Variants in IMMP2L observed in about 807,000 individuals in gnomAD.
IMMP2L encodes the protein inner mitochondrial membrane peptidase subunit 2, also known as mitochondrial inner membrane protease subunit 2.
A neutral mutation model predicts 19.3 loss-of-function variants in IMMP2L; 18 were observed. That is an observed-to-expected ratio of 0.93 (90% CI 0.64 to 1.38). The LOEUF is 1.38. IMMP2L is among the 40% of genes most tolerant of loss of function. The pLI is 0.00. For synonymous variants in IMMP2L, 76 were observed against 73.0 expected, an observed-to-expected ratio of 1.04 and a Z score of -0.21; for missense variants, 233 against 218.2, an observed-to-expected ratio of 1.07 and a Z score of -0.43.
At chr7:111,410,411 T>C (rs1249204845) in intron 3 of IMMP2L, among the ~76,000 whole-genome samples, 1 of 151,704 alleles carries the variant, frequency 6.6e-6, no homozygotes, top group South Asian at 2.1e-4. Context: ...AACCAAAATG[T>C]AATTAGTACT....
intron 3 of IMMP2L, among the ~76,000 whole-genome samples, chr7:111,133,210 T>C (rs971213732): frequency 2.6e-5 from 4 of 152,038 alleles, no homozygotes; most frequent in Middle Eastern, 3.4e-3. Flanking sequence ...TCTCCTGACA[T>C]CCTAAAACTG....
chr7:111,197,879 C>T (rs1809674629), intron 3 of IMMP2L, among the ~76,000 whole-genome samples: 1 of 152,148 alleles, frequency 6.6e-6, no homozygotes, highest in Non-Finnish European at 1.5e-5. Flanking sequence ...TTCCTTCAGA[C>T]TTTAGAATTG....
chr7:110,930,662 G>A (rs1419121446), intron 4 of IMMP2L, among the ~76,000 whole-genome samples: 1 of 152,156 alleles, frequency 6.6e-6, no homozygotes, highest in Non-Finnish European at 1.5e-5. Flanking sequence ...TTAATAATTT[G>A]CATTGCTAGT....
chr7:111,554,803 G>A (rs1337915656), intron 1 of IMMP2L, among the ~76,000 whole-genome samples: 3 of 151,874 alleles, frequency 2.0e-5, no homozygotes, highest in Non-Finnish European at 2.9e-5. Flanking sequence ...TAGTAGAGAC[G>A]GGGTTTTGCC....
chr7:111,332,880 G>A (rs147847793), intron 3 of IMMP2L, among the ~76,000 whole-genome samples: 1,851 of 152,126 alleles, frequency 0.012, 12 homozygotes, highest in Middle Eastern at 0.02. Context: ...GGCTCCTTGC[G>A]ATGGTTAATA....
chr7:111,250,211 A>C (rs1191197662), intron 3 of IMMP2L, among the ~76,000 whole-genome samples: 1 of 152,102 alleles, frequency 6.6e-6, no homozygotes, highest in African/African-American at 2.4e-5. Flanking sequence ...AAAGTGAAGG[A>C]CCTCTTCAAG....
At chr7:110,886,467 A>G (rs1810230085) in intron 5 of IMMP2L, 126 bp downstream of exon 5, 5 of 620,226 alleles carry the variant, frequency 8.1e-6, no homozygotes, top group Non-Finnish European at 1.2e-5. Flanking sequence ...ATTTTCAAAC[A>G]TAAACTATTC....
chr7:110,928,258 C>T (rs1457283633), intron 4 of IMMP2L, among the ~76,000 whole-genome samples: 1 of 151,366 alleles, frequency 6.6e-6, no homozygotes, highest in African/African-American at 2.4e-5. Context: ...ATTAGCTCTT[C>T]TGTTTTTCAA....
intron 5 of IMMP2L, among the ~76,000 whole-genome samples, chr7:110,766,108 CTG>C (rs1798641657): frequency 1.3e-5 from 2 of 152,056 alleles, no homozygotes; most frequent in Admixed American, 1.3e-4. Context: ...TTTGTTGTGA[CTG>C]TATTGGTTAT....
At position 111,287,889 on chromosome 7, in the gene IMMP2L, A is replaced by G. The variant is rs560036174; in HGVS notation, c.239+199349T>C. The stretch of plus-strand genomic sequence containing the variant: ...ACAGAAAGAAATATTGGAGTCTATA[A>G]AGTTTGCAGCATTTAATCTTGCTTC... On this transcript the variant is annotated intron_variant, in intron 3 of 5. Transcript: ENST00000405709. Among the ~76,000 whole-genome samples, 48 of 152,200 alleles carry G rather than the reference A, an allele frequency of 3.2e-4. 1 individual carries two copies. Among genetic ancestry groups the G allele is most frequent in the Non-Finnish European group, 6.2e-4 (42 of 68,034 alleles).
At chr7:110,863,689 C>G (rs564901582) in intron 5 of IMMP2L, among the ~76,000 whole-genome samples, 1 of 152,178 alleles carries the variant, frequency 6.6e-6, no homozygotes, top group African/African-American at 2.4e-5. Context: ...ACTGTGTGGC[C>G]AGATGATTTT....
At chr7:111,332,649 T>A (rs144473610) in intron 3 of IMMP2L, among the ~76,000 whole-genome samples, 216 of 152,074 alleles carry the variant, frequency 1.4e-3, no homozygotes, top group Non-Finnish European at 2.3e-3. Context: ...TAAAAACACC[T>A]ACAATATAAC....
At chr7:110,995,176 C>T (rs2129560227) in intron 3 of IMMP2L, among the ~76,000 whole-genome samples, 1 of 152,056 alleles carries the variant, frequency 6.6e-6, no homozygotes, top group East Asian at 1.9e-4. Flanking sequence ...GCTATAATCC[C>T]AATGCAGACT....
intron 3 of IMMP2L, among the ~76,000 whole-genome samples, chr7:111,240,170 C>T (rs527238903): frequency 6.6e-6 from 1 of 152,094 alleles, no homozygotes; most frequent in Admixed American, 6.6e-5. Flanking sequence ...TGTATAGCTA[C>T]TGCTATGTTT....
chr7:111,091,062 A>G (rs1463438985), intron 3 of IMMP2L: 1 of 152,208 alleles, frequency 6.6e-6, no homozygotes, highest in Non-Finnish European at 1.5e-5. Flanking sequence ...GTCTGAAGCG[A>G]TTGGCTCCTC....
chr7:110,956,165 T>A lies in IMMP2L; in HGVS notation c.305+7335A>T, dbSNP rs183543073. Among the ~76,000 whole-genome samples, 828 of 152,154 alleles carry A rather than the reference T, an allele frequency of 5.4e-3. 5 individuals are homozygous for A. The highest frequency in any genetic ancestry group is 0.02 in the Middle Eastern group (6 of 294). On this transcript the variant is annotated intron_variant, in intron 4 of 5. Transcript: ENST00000405709. ...GATTTTTTTGCTAATACCAGAAAGT[T>A]GTTTTTAATAAATTAGGGTATTTTG...
chr7:111,277,259 G>A (rs183581677), intron 3 of IMMP2L, among the ~76,000 whole-genome samples: 21 of 150,458 alleles, frequency 1.4e-4, no homozygotes, highest in African/African-American at 5.1e-4. Flanking sequence ...AACTCTACAA[G>A]ATAAAAAAAA....
intron 3 of IMMP2L, among the ~76,000 whole-genome samples, chr7:110,994,175 T>A (rs912104952): frequency 2.1e-5 from 1 of 48,730 alleles, no homozygotes; most frequent in African/African-American, 4.5e-5. Flanking sequence ...CACACTTGGC[T>A]TTCTATTGAC....
At chr7:110,927,223 G>C (rs575172690) in intron 4 of IMMP2L, among the ~76,000 whole-genome samples, 1 of 151,758 alleles carries the variant, frequency 6.6e-6, no homozygotes, top group African/African-American at 2.4e-5. Flanking sequence ...ATGCTTTGGA[G>C]ACCTTACCCA....
Sources: allele counts gnomAD v4.1 joint callset (sites outside exome capture counted in the v4.1 genomes callset), GRCh38; gene constraint gnomAD v4.1.1; transcripts MANE v1.5; gene names NCBI Gene and HGNC (gene_info 2026-07-23, HGNC 2026-07-21).